The following SLC9A9 variants were observed in gnomAD, a reference collection of about 807,000 sequenced individuals.
SLC9A9 encodes the protein sodium/hydrogen exchanger 9.
Under a neutral mutation model 77.8 loss-of-function variants are expected in SLC9A9, and 62 were observed. The observed-to-expected ratio is 0.80, with a 90% CI of 0.65 to 0.98. The LOEUF (loss-of-function observed/expected upper bound fraction) is 0.98. Among genes scored for constraint, SLC9A9 ranks in the 50% least tolerant of loss-of-function variants. The pLI, the probability that SLC9A9 is intolerant of heterozygous loss-of-function variation, is 0.00. For missense variants in SLC9A9, 775 were observed against 774.9 expected (o/e 1.00, Z 0.00); for synonymous variants, 320 against 283.5 (o/e 1.13, Z -1.29).
chr3:143,541,619 G>T lies in SLC9A9; in HGVS notation c.1089+10743C>A, dbSNP rs111457076. 9.9e-5 allele frequency among the ~76,000 whole-genome samples: 15 copies of T among 152,264 alleles called. 2 individuals carry two copies. The highest frequency in any genetic ancestry group is 3.6e-4 in the African/African-American group (15 of 41,552). On this transcript the variant is annotated intron_variant, in intron 9 of 15. Transcript: ENST00000316549. Reference sequence around the variant, plus strand: ...GTGCTGTGTATTTTTAATTGACAGTGCATATCCCTTGAGCAATGACCCATG... The same window carrying T: ...GTGCTGTGTATTTTTAATTGACAGTTCATATCCCTTGAGCAATGACCCATG...
intron 2 of SLC9A9, among the ~76,000 whole-genome samples, chr3:143,826,386 C>A (rs543990107): frequency 2.0e-5 from 3 of 152,270 alleles, no homozygotes; most frequent in South Asian, 2.1e-4. Flanking sequence ...ACCAGGGTAG[C>A]AGAGGAAGCT....
chr3:143,634,111 C>G (rs2038472318), intron 6 of SLC9A9, among the ~76,000 whole-genome samples: 1 of 150,588 alleles, frequency 6.6e-6, no homozygotes, highest in Non-Finnish European at 1.5e-5. Context: ...TTGTAAGTGA[C>G]TTGAATTTTC....
rs2108393147 is a variant in SLC9A9, at chr3:143,266,492, A to G, written c.*210T>C. 1 of 614,112 alleles carries G rather than the reference A, an allele frequency of 1.6e-6. No homozygotes were observed. The highest frequency in any genetic ancestry group is 2.9e-6 in the Non-Finnish European group (1 of 350,108). The allele number at this position is 614,112 out of a possible 1,614,324, so 38.0% of individuals were successfully genotyped here. ...CCAGTAATCAGAATGGCTGCTGTCAAAAAACTAAATTCATTTGCATAATAG... is the reference window on the plus strand; with the variant it reads ...CCAGTAATCAGAATGGCTGCTGTCAGAAAACTAAATTCATTTGCATAATAG... On this transcript the variant is annotated 3_prime_UTR_variant, in exon 16 of 16. Coordinates refer to ENST00000316549, the MANE Select transcript of SLC9A9 (RefSeq NM_173653.4).
At chr3:143,744,157 C>T (rs73154716) in intron 4 of SLC9A9, among the ~76,000 whole-genome samples, 9,336 of 152,068 alleles carry the variant, frequency 0.061, 329 homozygotes, top group Middle Eastern at 0.075. Flanking sequence ...ATTTTTAGTG[C>T]CCCCCAGCTT....
rs140801190 is a variant in SLC9A9, at chr3:143,807,346, T to C, written c.379-10443A>G. 3.9e-5 allele frequency among the ~76,000 whole-genome samples: 6 copies of C among 152,358 alleles called. No individual in the cohort carries two copies. The East Asian group carries it at 9.6e-4, about 24-fold the overall frequency. On this transcript the variant is annotated intron_variant, in intron 2 of 15. Transcript: ENST00000316549. The stretch of plus-strand genomic sequence containing the variant: ...ATTGTTGCAGTCCAAAAAGTTTTTT[T>C]ACTCAGATTTCTGAATGAGCCAGTA...
intron 6 of SLC9A9, among the ~76,000 whole-genome samples, chr3:143,621,929 T>C (rs541828685): frequency 1.3e-5 from 2 of 152,164 alleles, no homozygotes; most frequent in African/African-American, 2.4e-5. Context: ...AAGGACCTGA[T>C]GGAGCTGAAA....
chr3:143,610,884 C>T (rs1003087623), intron 6 of SLC9A9, among the ~76,000 whole-genome samples: 1 of 152,174 alleles, frequency 6.6e-6, no homozygotes, highest in Admixed American at 6.5e-5. Flanking sequence ...GAACTTGCCC[C>T]TGCTCCAGTC....
At chr3:143,766,425 T>G (rs2007319772) in intron 4 of SLC9A9, among the ~76,000 whole-genome samples, 1 of 152,206 alleles carries the variant, frequency 6.6e-6, no homozygotes, top group African/African-American at 2.4e-5. Context: ...GTCCTGATGT[T>G]GGAGGATGGC....
At chr3:143,356,543 T>G (rs527317502) in intron 14 of SLC9A9, among the ~76,000 whole-genome samples, 32 of 152,288 alleles carry the variant, frequency 2.1e-4, no homozygotes, top group Non-Finnish European at 3.1e-4. Flanking sequence ...TTTTAAGAGA[T>G]AGGATCTCAC....
chr3:143,325,348 G>A (rs2031559961), intron 14 of SLC9A9, among the ~76,000 whole-genome samples: 1 of 152,226 alleles, frequency 6.6e-6, no homozygotes, highest in Non-Finnish European at 1.5e-5. Flanking sequence ...GCCTTGTTAA[G>A]TATTTGTTAA....
intron 12 of SLC9A9, among the ~76,000 whole-genome samples, chr3:143,451,368 A>G (rs1382139666): frequency 1.3e-5 from 2 of 152,220 alleles, no homozygotes; most frequent in African/African-American, 4.8e-5. Flanking sequence ...ACTTTAGTTA[A>G]AATCTCATAT....
intron 6 of SLC9A9, among the ~76,000 whole-genome samples, chr3:143,604,358 G>T (rs1472499901): frequency 6.6e-6 from 1 of 152,206 alleles, no homozygotes; most frequent in Non-Finnish European, 1.5e-5. Context: ...AAGAAGTAAG[G>T]TTTTCTCTTA....
At chr3:143,625,788 T>C (rs1381846914) in intron 6 of SLC9A9, among the ~76,000 whole-genome samples, 1 of 152,014 alleles carries the variant, frequency 6.6e-6, no homozygotes, top group Non-Finnish European at 1.5e-5. Flanking sequence ...ACTAAAGAGC[T>C]TCTGCACAGC....
At chr3:143,578,537 C>G in intron 7 of SLC9A9, 48 bp downstream of exon 7, 9 of 1,613,096 alleles carry the variant, frequency 5.6e-6, no homozygotes, top group Non-Finnish European at 6.8e-6. Flanking sequence ...TCCATGGATA[C>G]TGACTGTTCT....
At chr3:143,309,125 A>G (rs1297298961) in intron 14 of SLC9A9, among the ~76,000 whole-genome samples, 3 of 152,214 alleles carry the variant, frequency 2.0e-5, no homozygotes, top group Non-Finnish European at 4.4e-5. Context: ...TTCATATCAA[A>G]GAGTCTCTAC....
chr3:143,597,075 T>C lies in SLC9A9; in HGVS notation c.756-18352A>G, dbSNP rs16853915. On this transcript the variant is annotated intron_variant, in intron 6 of 15. Transcript: ENST00000316549. ...AAAGAAAGTGCCAGAACATATAGCA[T>C]GAGCCATTGTAAGATACATGGATGT... is the stretch of plus-strand genomic sequence containing the variant. Among the ~76,000 whole-genome samples the C allele has an allele frequency of 6.3e-3, 952 of 152,288 alleles. 13 individuals carry two copies. Among genetic ancestry groups the C allele is most frequent in the African/African-American group, 0.022 (903 of 41,556 alleles).
chr3:143,578,413 C>T (rs1221803824), intron 7 of SLC9A9, among the ~76,000 whole-genome samples, 172 bp downstream of exon 7: 1 of 152,154 alleles, frequency 6.6e-6, no homozygotes, highest in Non-Finnish European at 1.5e-5. Context: ...CTGGTACCAA[C>T]CTATGCCTCC....
At chr3:143,382,931 G>A (rs1449859233) in intron 12 of SLC9A9, among the ~76,000 whole-genome samples, 1 of 152,128 alleles carries the variant, frequency 6.6e-6, no homozygotes, top group African/African-American at 2.4e-5. Flanking sequence ...TAGTTGGAAG[G>A]CATTAAAGCA....
intron 12 of SLC9A9, among the ~76,000 whole-genome samples, chr3:143,421,239 T>C (rs1045828134): frequency 6.6e-6 from 1 of 152,162 alleles, no homozygotes; most frequent in Non-Finnish European, 1.5e-5. Context: ...ACTACCAATG[T>C]CATTTTTCAT....
Sources: gnomAD v4.1 joint callset for allele counts (sites outside exome capture counted in the v4.1 genomes callset) on GRCh38, gnomAD v4.1.1 for gene constraint, MANE v1.5 for transcripts, NCBI Gene and HGNC (gene_info 2026-07-23, HGNC 2026-07-21) for gene names.